The following STT3A variants were observed in gnomAD, a reference collection of about 807,000 sequenced individuals.
STT3A encodes the protein dolichyl-diphosphooligosaccharide--protein glycosyltransferase subunit STT3A.
STT3A carries 34 observed loss-of-function variants against 89.2 expected under a neutral mutation model. The ratio of observed to expected loss-of-function variants is 0.38; its 90% CI spans 0.29 to 0.51. The LOEUF is 0.51. Ranked by LOEUF, STT3A falls within the 20% of genes least tolerant of loss-of-function variation. The probability of loss-of-function intolerance (pLI) is 0.89; values close to 1 mark genes in which losing one functional copy is unlikely to be tolerated. For synonymous variants in STT3A, 282 were observed against 310.3 expected, an observed-to-expected ratio of 0.91 and a Z score of 0.96; for missense variants, 555 against 889.5, an observed-to-expected ratio of 0.62 and a Z score of 4.78.
intron 3 of STT3A, among the ~76,000 whole-genome samples, chr11:125,600,758 A>G (rs1232389137): frequency 1.3e-5 from 2 of 151,978 alleles, no homozygotes; most frequent in Non-Finnish European, 1.5e-5. Context: ...TATGTCAAAT[A>G]TTTTTCATGT....
chr11:125,612,519 G>A, intron 11 of STT3A, 73 bp from the exon 12 acceptor site: 1 of 1,509,518 alleles, frequency 6.6e-7, no homozygotes, highest in African/African-American at 1.4e-5. Flanking sequence ...TTGATGTCTT[G>A]ATCTACTAAT....
intron 1 of STT3A, among the ~76,000 whole-genome samples, chr11:125,595,618 G>C (rs1026935466): frequency 2.0e-5 from 3 of 151,960 alleles, no homozygotes; most frequent in Non-Finnish European, 4.4e-5. Flanking sequence ...GTACTTGTTA[G>C]CTGTGAAGGA....
At chr11:125,594,378 C>T (rs1939419122) in intron 1 of STT3A, among the ~76,000 whole-genome samples, 1 of 151,862 alleles carries the variant, frequency 6.6e-6, no homozygotes, top group African/African-American at 2.4e-5. Context: ...TCAAGAGATC[C>T]AGACCACCCT....
At chr11:125,603,745 C>G (rs984228676) in intron 5 of STT3A, among the ~76,000 whole-genome samples, 1 of 152,174 alleles carries the variant, frequency 6.6e-6, no homozygotes, top group African/African-American at 2.4e-5. Flanking sequence ...GGCTTTTTAA[C>G]TGAAATAATA....
intron 9 of STT3A, 25 bp downstream of exon 9, chr11:125,608,314 CCTTTTTT>C: frequency 6.4e-7 from 1 of 1,562,290 alleles, no homozygotes; most frequent in Non-Finnish European, 8.6e-7. Flanking sequence ...CAGCTTTTTT[CCTTTTTT>C]CTTTTTTTTT....
At chr11:125,619,481 G>C (rs1940283337) in intron 16 of STT3A, among the ~76,000 whole-genome samples, 1 of 152,152 alleles carries the variant, frequency 6.6e-6, no homozygotes, top group Non-Finnish European at 1.5e-5. Context: ...CTGTGCTTTT[G>C]ACCGTTACTT....
intron 5 of STT3A, 121 bp from the exon 6 acceptor site, chr11:125,604,036 T>C: frequency 1.0e-6 from 1 of 999,110 alleles, no homozygotes. Context: ...ATCTCACATC[T>C]ACCTTCGAAA....
upstream of STT3A, chr11:125,592,269 G>A (rs929128535): frequency 5.2e-6 from 2 of 383,344 alleles, no homozygotes; most frequent in Admixed American, 3.0e-5. Context: ...AGTTACCAAG[G>A]CACAGTAAAA....
At chr11:125,618,605 G>T in intron 16 of STT3A, 44 bp downstream of exon 16, 8 of 1,536,686 alleles carry the variant, frequency 5.2e-6, no homozygotes, top group Non-Finnish European at 7.1e-6. Flanking sequence ...TAATAATAGT[G>T]ATTACTAATA....
At position 125,621,657 on chromosome 11, in the gene STT3A, T is replaced by G. The variant is rs1244319463; in HGVS notation, c.*847T>G. 2.6e-5 allele frequency: 4 copies of G among 152,224 alleles called. No homozygotes were observed. Among genetic ancestry groups the G allele is most frequent in the Non-Finnish European group, 5.9e-5 (4 of 68,044 alleles). The allele number at this position is 152,224 out of a possible 1,614,324, so 9.4% of individuals were successfully genotyped here. On this transcript the variant is annotated 3_prime_UTR_variant, in exon 18 of 18. Coordinates refer to ENST00000392708, the MANE Select transcript of STT3A (RefSeq NM_152713.5). Reference sequence around the variant, plus strand: ...TCTTGTGGTTGTTCAAAGGTGAGCTTCTTTTTCCCTTAGTCTTAGCCTATG... The same window carrying G: ...TCTTGTGGTTGTTCAAAGGTGAGCTGCTTTTTCCCTTAGTCTTAGCCTATG...
Position 125,614,336 on chromosome 11 carries a change from A to C in STT3A, c.1684A>C (p.Thr562Pro), listed in dbSNP as rs199831028. Residue 562 changes from threonine to proline, a missense_variant, in exon 15 of 18, where the codon ACA becomes CCA. By Grantham distance (38) the Thr-to-Pro change is conservative. Coordinates refer to ENST00000392708, the MANE Select transcript of STT3A (RefSeq NM_152713.5). This position sits in a 1 kb window ranked among gnomAD's most constrained non-coding sequence, Gnocchi z 4.9. Reference sequence around the variant, plus strand: ...TTTGTTTTTCCAGGCAATGGCGTCCACAGAGGAAAAAGCCTATGAGATCAT... The same window carrying C: ...TTTGTTTTTCCAGGCAATGGCGTCCCCAGAGGAAAAAGCCTATGAGATCAT... ...ISRVGQAMAS[T>P]EEKAYEIMRE... 4.0e-4 allele frequency: 641 copies of C among 1,614,030 alleles called. No individual in the cohort carries two copies. Among genetic ancestry groups the C allele is most frequent in the Non-Finnish European group, 5.2e-4 (614 of 1,180,028 alleles).
chr11:125,611,388 A>T, intron 10 of STT3A, 40 bp from the exon 11 acceptor site: 1 of 1,543,716 alleles, frequency 6.5e-7, no homozygotes, highest in East Asian at 2.2e-5. Flanking sequence ...GTTTCAACCT[A>T]CAGGACTCAG....
chr11:125,609,371 C>T, intron 9 of STT3A, 63 bp from the exon 10 acceptor site: 1 of 1,479,342 alleles, frequency 6.8e-7, no homozygotes, highest in Non-Finnish European at 9.0e-7. Context: ...AGTTGTGATT[C>T]ATTTGGATCA....
intron 5 of STT3A, 74 bp downstream of exon 5, chr11:125,603,022 G>A: frequency 6.4e-7 from 1 of 1,559,984 alleles, no homozygotes; most frequent in Admixed American, 1.9e-5. Context: ...TGGAGGGTGG[G>A]GGACAGAGCC....
At chr11:125,605,586 T>C in intron 6 of STT3A, 43 bp from the exon 7 acceptor site, 1 of 1,445,326 alleles carries the variant, frequency 6.9e-7, no homozygotes, top group Non-Finnish European at 9.7e-7. Flanking sequence ...ATGACTATAC[T>C]AGCCTGGCCT....
chr11:125,599,806 C>T (rs979992918), intron 3 of STT3A, among the ~76,000 whole-genome samples: 14 of 147,640 alleles, frequency 9.5e-5, no homozygotes, highest in Non-Finnish European at 1.8e-4. Flanking sequence ...TCTCAGCTCA[C>T]CACAACCTCT....
intron 3 of STT3A, among the ~76,000 whole-genome samples, chr11:125,601,803 A>C (rs1939688955): frequency 1.3e-5 from 2 of 150,286 alleles, no homozygotes; most frequent in African/African-American, 5.0e-5. Flanking sequence ...CTTTTTATTT[A>C]TTTATTTTTT....
rs772084737 is a variant in STT3A, at chr11:125,618,460, C to A, written c.1862C>A (p.Thr621Asn). 6.2e-7 allele frequency: 1 copy of A among 1,613,782 alleles called. No homozygotes were observed. The change falls in exon 16 of 18, where the codon ACT becomes AAT. Residue 621 changes from threonine to asparagine, a missense_variant. By Grantham distance (65) the Thr-to-Asn change is moderately conservative (BLOSUM62 0). Around this residue, in one of 5 missense-constraint regions of STT3A, gnomAD observed 273 missense variants for 449.8 expected, o/e 0.61. Coordinates refer to ENST00000392708, the MANE Select transcript of STT3A (RefSeq NM_152713.5). ...HIKENDYYTP[T>N]GEFRVDREGS... ...AAGGAGAATGACTATTATACTCCAA[C>A]TGGGGAGTTCCGTGTGGACCGTGAA...
intron 8 of STT3A, among the ~76,000 whole-genome samples, chr11:125,607,543 G>C (rs944361816): frequency 6.6e-6 from 1 of 152,220 alleles, no homozygotes; most frequent in Non-Finnish European, 1.5e-5. Flanking sequence ...GCAGCAGCTA[G>C]AAACTTGTTA....
Sources: gnomAD v4.1 joint callset for allele counts (sites outside exome capture counted in the v4.1 genomes callset) on GRCh38, gnomAD v4.1.1 for gene constraint, gnomAD v4.1.1 regional missense constraint, Gnocchi (gnomAD v3.1) non-coding constraint, MANE v1.5 for transcripts, NCBI Gene and HGNC (gene_info 2026-07-23, HGNC 2026-07-21) for gene names.